The following PIM3 variants were observed in gnomAD, a reference collection of about 807,000 sequenced individuals.
PIM3 encodes the protein Pim-3 proto-oncogene, serine/threonine kinase, also known as serine/threonine-protein kinase pim-3.
In PIM3, 13 loss-of-function variants were observed where a neutral mutation model predicts 27.5. The observed-to-expected ratio is 0.47, with a 90% CI of 0.31 to 0.75. The LOEUF (loss-of-function observed/expected upper bound fraction) is 0.75. Among genes scored for constraint, PIM3 ranks in the 30% least tolerant of loss-of-function variants. The pLI is 0.05. For missense variants in PIM3, 482 were observed against 476.9 expected (o/e 1.01, Z -0.10); for synonymous variants, 341 against 221.1 (o/e 1.54, Z -4.81).
At position 49,963,191 on chromosome 22, in the gene PIM3, A is replaced by T; in HGVS notation, c.*64A>T. The T allele has an allele frequency of 6.9e-7, 1 of 1,448,744 alleles. No homozygotes were observed. Among genetic ancestry groups the T allele is most frequent in the Admixed American group, 2.7e-5 (1 of 37,678 alleles). 89.7% of individuals were successfully genotyped at this position (1,448,744 alleles called of 1,614,324 possible). A position where few individuals can be genotyped will look rare whatever the true frequency, so the allele number is the denominator to read the frequency against. On this transcript the variant is annotated 3_prime_UTR_variant, in exon 6 of 6. Transcript: ENST00000360612. ...TTGGCCAGACCTGGGACGCCCCCAGACCCTGACTTTCTCCTGCGTGGGCCG... is the reference window on the plus strand; with the variant it reads ...TTGGCCAGACCTGGGACGCCCCCAGTCCCTGACTTTCTCCTGCGTGGGCCG...
Position 49,961,453 on chromosome 22 carries a change from C to A in PIM3, c.258C>A (p.Thr86=). The part of the protein sequence containing the change: ...VTEWGSLGGA[T]VPLEVVLLRK... ...GCCGTGTCCCCCAGGGCGGCGCGAC[C>A]GTGCCCCTGGAGGTGGTGCTGCTGC... Residue 86 remains threonine (T), a synonymous_variant, in exon 4 of 6, where the codon ACC becomes ACA. Transcript: ENST00000360612. 6.9e-7 allele frequency: 1 copy of A among 1,440,530 alleles called. No homozygotes were observed. The highest frequency in any genetic ancestry group is 9.1e-7 in the Non-Finnish European group (1 of 1,102,564). The allele number at this position is 1,440,530 out of a possible 1,614,324, so 89.2% of individuals were successfully genotyped here.
At position 49,960,937 on chromosome 22, in the gene PIM3, C is replaced by A; in HGVS notation, c.-11C>A. 2 of 1,313,818 alleles carry A rather than the reference C, an allele frequency of 1.5e-6. No homozygotes were observed. Among genetic ancestry groups the A allele is most frequent in the South Asian group, 1.7e-5 (1 of 57,858 alleles). 81.4% of individuals were successfully genotyped at this position (1,313,818 alleles called of 1,614,324 possible). On this transcript the variant is annotated 5_prime_UTR_variant, in exon 1 of 6. Coordinates refer to ENST00000360612, the MANE Select transcript of PIM3 (RefSeq NM_001001852.4). ...CTGGGGCTCGGGGCTCCGGGGAGGC[C>A]GTCGCCCGCGATGCTGCTCTCCAAG...
chr22:49,963,140 G>C lies in PIM3; in HGVS notation c.*13G>C, dbSNP rs762278623. ...CGAGAGCTTGTGAGGAGCTGCACCT[G>C]ACTGGGAGCTAGGGGACCACCTGCC... On this transcript the variant is annotated 3_prime_UTR_variant, in exon 6 of 6. Transcript: ENST00000360612. The C allele has an allele frequency of 1.3e-6, 2 of 1,574,168 alleles. No individual in the cohort carries two copies. The highest frequency in any genetic ancestry group is 1.1e-5 in the South Asian group (1 of 87,140).
chr22:49,961,497 G>C lies in PIM3; in HGVS notation c.302G>C (p.Gly101Ala), dbSNP rs752372569. 1.8e-4 allele frequency: 263 copies of C among 1,496,546 alleles called. No homozygotes were observed. The highest frequency in any genetic ancestry group is 2.3e-4 in the Non-Finnish European group (260 of 1,126,846). 92.7% of individuals were successfully genotyped at this position (1,496,546 alleles called of 1,614,324 possible). ...VVLLRKVGAA[G>A]GARGVIRLLD... is the part of the protein sequence containing the mutation. ...CTGCTGCGCAAGGTGGGCGCGGCGGGCGGCGCGCGCGGCGTCATCCGCCTG... is the reference window on the plus strand; with the variant it reads ...CTGCTGCGCAAGGTGGGCGCGGCGGCCGGCGCGCGCGGCGTCATCCGCCTG... The change falls in exon 4 of 6, where the codon GGC becomes GCC. Residue 101 changes from glycine to alanine, a missense_variant. Coordinates refer to ENST00000360612, the MANE Select transcript of PIM3 (RefSeq NM_001001852.4).
At chr22:49,962,562 G>C (rs1281265815) in intron 4 of PIM3, 127 bp from the exon 5 acceptor site, 1 of 1,101,160 alleles carries the variant, frequency 9.1e-7, no homozygotes. Flanking sequence ...GGGTGATGAC[G>C]AGCAGGATTT....
Position 49,961,550 on chromosome 22 carries a change from T to G in PIM3, c.355T>G (p.Phe119Val), listed in dbSNP as rs1601870092. The G allele has an allele frequency of 1.9e-6, 3 of 1,545,188 alleles. No homozygotes were observed. In the East Asian group the frequency reaches 7.4e-5, roughly 38 times the overall value. ...GGACTGGTTCGAGCGGCCCGACGGC[T>G]TCCTGCTGGTGCTGGAGCGGCCCGA... ...LLDWFERPDGFLLVLERPEPA... is the reference protein window; with the variant it reads ...LLDWFERPDGVLLVLERPEPA... Residue 119 changes from phenylalanine (F) to valine (V), a missense_variant, in exon 4 of 6, where the codon TTC becomes GTC. Coordinates refer to ENST00000360612, the MANE Select transcript of PIM3 (RefSeq NM_001001852.4).
rs200601202 is a variant in PIM3 at position 49,963,010 on chromosome 22, G to A, written c.864G>A (p.Ala288=). ...AGCGGCCGTCGCTGGATCAGATTGC[G>A]GCCCATCCCTGGATGCTGGGGGCTG... is the stretch of plus-strand genomic sequence containing the variant. ...PSERPSLDQI[A]AHPWMLGADG... The change falls in exon 6 of 6, where the codon GCG becomes GCA. Residue 288 remains alanine, a synonymous_variant. Transcript: ENST00000360612. 2.7e-5 allele frequency: 44 copies of A among 1,611,944 alleles called. No homozygotes were observed. The Admixed American group carries it at 3.3e-4, about 12-fold the overall frequency.
chr22:49,962,555 T>G, intron 4 of PIM3, 134 bp from the exon 5 acceptor site: 4 of 1,007,570 alleles, frequency 4.0e-6, no homozygotes, highest in South Asian at 3.4e-5. Context: ...TTTTCCAGGG[T>G]GATGACGAGC....
chr22:49,960,958 C>A lies in PIM3; in HGVS notation c.11C>A (p.Ser4Tyr). Residue 4 changes from serine to tyrosine, a missense_variant, in exon 1 of 6, where the codon TCC becomes TAC. By Grantham distance (144) the Ser-to-Tyr change is moderately radical. Transcript: ENST00000360612. The stretch of plus-strand genomic sequence containing the variant: ...AGGCCGTCGCCCGCGATGCTGCTCT[C>A]CAAGTTCGGCTCCCTGGCGCACCTC... MLL[S>Y]KFGSLAHLCG... 7.3e-7 allele frequency: 1 copy of A among 1,372,956 alleles called. No individual in the cohort carries two copies. The allele number at this position is 1,372,956 out of a possible 1,614,324, so 85.0% of individuals were successfully genotyped here.
chr22:49,963,151 A>C lies in PIM3; in HGVS notation c.*24A>C. 1 of 1,553,838 alleles carries C rather than the reference A, an allele frequency of 6.4e-7. No individual in the cohort carries two copies. Among genetic ancestry groups the C allele is most frequent in the South Asian group, 1.2e-5 (1 of 84,824 alleles). ...GAGGAGCTGCACCTGACTGGGAGCT[A>C]GGGGACCACCTGCCTTGGCCAGACC... On this transcript the variant is annotated 3_prime_UTR_variant, in exon 6 of 6. Coordinates refer to ENST00000360612, the MANE Select transcript of PIM3 (RefSeq NM_001001852.4).
chr22:49,961,214 C>T lies in PIM3; in HGVS notation c.175C>T (p.Arg59Cys), dbSNP rs1039373459. The change falls in exon 2 of 6, where the codon CGC becomes TGC. Residue 59 changes from arginine (R) to cysteine (C), a missense_variant. By Grantham distance (180) the Arg-to-Cys change is radical. Transcript: ENST00000360612. ...GGFGTVYAGSRIADGLPVAVK... is the reference protein window; with the variant it reads ...GGFGTVYAGSCIADGLPVAVK... ...CTTCGGCACGGTCTACGCGGGTAGCCGCATCGCCGACGGGCTCCCGGTGAG... is the reference window on the plus strand; with the variant it reads ...CTTCGGCACGGTCTACGCGGGTAGCTGCATCGCCGACGGGCTCCCGGTGAG... 7 of 1,531,322 alleles carry T rather than the reference C, an allele frequency of 4.6e-6. No individual in the cohort carries two copies. Among genetic ancestry groups the T allele is most frequent in the Admixed American group, 2.1e-5 (1 of 48,128 alleles). The allele number at this position is 1,531,322 out of a possible 1,614,324, so 94.9% of individuals were successfully genotyped here.
intron 1 of PIM3, 40 bp downstream of exon 1, chr22:49,961,072 C>A: frequency 7.3e-7 from 1 of 1,372,172 alleles, no homozygotes; most frequent in South Asian, 1.6e-5. Context: ...GGGGCCAGGG[C>A]GGGGACCGGG....
In PIM3 at chr22:49,963,017, C is replaced by G. The variant is rs757790082; in HGVS notation, c.871C>G (p.Pro291Ala). 34 of 1,612,040 alleles carry G rather than the reference C, an allele frequency of 2.1e-5. No homozygotes were observed. In the Admixed American group the frequency reaches 5.5e-4, roughly 26 times the overall value. The change falls in exon 6 of 6, where the codon CCC becomes GCC. Residue 291 changes from proline (P) to alanine (A), a missense_variant. Coordinates refer to ENST00000360612, the MANE Select transcript of PIM3 (RefSeq NM_001001852.4). ...RPSLDQIAAH[P>A]WMLGADGGVP... ...GTCGCTGGATCAGATTGCGGCCCAT[C>G]CCTGGATGCTGGGGGCTGACGGGGG...
rs2060919106 is a variant in PIM3, at chr22:49,963,290, G to A, written c.*163G>A. On this transcript the variant is annotated 3_prime_UTR_variant, in exon 6 of 6. Transcript: ENST00000360612. ...TGAGTGCCTTTTGAACGCTGGTCCCGCGGGACTTGGTTTTCTCAAGCTCTG... is the reference window on the plus strand; with the variant it reads ...TGAGTGCCTTTTGAACGCTGGTCCCACGGGACTTGGTTTTCTCAAGCTCTG... The A allele has an allele frequency of 1.3e-6, 1 of 766,964 alleles. No homozygotes were observed. Among genetic ancestry groups the A allele is most frequent in the Non-Finnish European group, 2.0e-6 (1 of 502,022 alleles). The allele number at this position is 766,964 out of a possible 1,614,324, so 47.5% of individuals were successfully genotyped here.
In PIM3 at chr22:49,963,424, C is replaced by G. The variant is rs981705884; in HGVS notation, c.*297C>G. The G allele has an allele frequency of 6.3e-6, 2 of 319,182 alleles. No homozygotes were observed. Among genetic ancestry groups the G allele is most frequent in the African/African-American group, 4.3e-5 (2 of 46,078 alleles). The allele number at this position is 319,182 out of a possible 1,614,324, so 19.8% of individuals were successfully genotyped here. On this transcript the variant is annotated 3_prime_UTR_variant, in exon 6 of 6. Transcript: ENST00000360612. ...CGGAGGCGGCCTTCCCATCTGCCTG[C>G]CCACCCGGAGCTCTTTCCGCCGGCG...
rs1473184041 is a variant in PIM3, at chr22:49,964,070, A to G, written c.*943A>G. Reference sequence around the variant, plus strand: ...TATTTCAATTAAAATGTTTTTGTACATAGTGGATAATCCTGTATTTATGGG... The same window carrying G: ...TATTTCAATTAAAATGTTTTTGTACGTAGTGGATAATCCTGTATTTATGGG... On this transcript the variant is annotated 3_prime_UTR_variant, in exon 6 of 6. Transcript: ENST00000360612. The G allele has an allele frequency of 2.0e-5, 3 of 152,334 alleles. No individual in the cohort carries two copies. Among genetic ancestry groups the G allele is most frequent in the East Asian group, 1.9e-4 (1 of 5,338 alleles). 9.4% of individuals were successfully genotyped at this position (152,334 alleles called of 1,614,324 possible).
intron 4 of PIM3, among the ~76,000 whole-genome samples, 162 bp from the exon 5 acceptor site, chr22:49,962,527 C>G (rs967511961): frequency 6.6e-6 from 1 of 152,106 alleles, no homozygotes; most frequent in East Asian, 1.9e-4. Context: ...CCCCAGCCCC[C>G]CCATCGCCTG....
chr22:49,961,886 G>T, intron 4 of PIM3, 75 bp downstream of exon 4: 1 of 1,573,754 alleles, frequency 6.4e-7, no homozygotes, highest in Non-Finnish European at 8.6e-7. Flanking sequence ...GCGGCACATG[G>T]AGGGGCTGAT....
chr22:49,961,666 C>T lies in PIM3; in HGVS notation c.471C>T (p.Ala157=), dbSNP rs746357188. ...GCTTCTTCGCGCAGGTGCTGGCCGC[C>T]GTGCGCCACTGCCACAGCTGCGGGG... ...ARRFFAQVLA[A]VRHCHSCGVV... Residue 157 remains alanine, a synonymous_variant, in exon 4 of 6, where the codon GCC becomes GCT. Coordinates refer to ENST00000360612, the MANE Select transcript of PIM3 (RefSeq NM_001001852.4). The T allele has an allele frequency of 1.9e-6, 3 of 1,586,554 alleles. No individual in the cohort carries two copies. The highest frequency in any genetic ancestry group is 1.7e-4 in the Middle Eastern group (1 of 5,806).
Sources: gnomAD v4.1 joint callset for allele counts (sites outside exome capture counted in the v4.1 genomes callset) on GRCh38, gnomAD v4.1.1 for gene constraint, MANE v1.5 for transcripts, NCBI Gene and HGNC (gene_info 2026-07-23, HGNC 2026-07-21) for gene names.